The following CPED1 variants were observed in gnomAD, a reference collection of about 807,000 sequenced individuals.
CPED1 encodes cadherin-like and PC-esterase domain-containing protein 1.
A neutral mutation model predicts 128.2 loss-of-function variants in CPED1; 114 were observed. The ratio of observed to expected loss-of-function variants is 0.89; its 90% CI spans 0.76 to 1.04. The LOEUF (loss-of-function observed/expected upper bound fraction) is 1.04. Among genes scored for constraint, CPED1 ranks in the 50% least tolerant of loss-of-function variants. The pLI, the probability that CPED1 is intolerant of heterozygous loss-of-function variation, is 0.00. For synonymous variants in CPED1, 462 were observed against 426.7 expected (o/e 1.08, Z -1.02); for missense variants, 1,211 against 1,207.1 (o/e 1.00, Z -0.05).
intron 4 of CPED1, among the ~76,000 whole-genome samples, chr7:121,063,764 T>C (rs1204166550): frequency 6.6e-6 from 1 of 152,110 alleles, no homozygotes; most frequent in Non-Finnish European, 1.5e-5. Context: ...TATGATAATA[T>C]TTACAAAGCT....
At chr7:121,235,967 G>A (rs1444428113) in intron 16 of CPED1, among the ~76,000 whole-genome samples, 4 of 152,102 alleles carry the variant, frequency 2.6e-5, no homozygotes. Flanking sequence ...AGAGAACCCA[G>A]TGAGAAGAGT....
At chr7:121,194,026 A>C (rs553198902) in intron 16 of CPED1, among the ~76,000 whole-genome samples, 2,707 of 83,286 alleles carry the variant, frequency 0.033, 53 homozygotes, top group African/African-American at 0.057. Flanking sequence ...CTCTCTCTAT[A>C]TATATATATA....
intron 3 of CPED1, among the ~76,000 whole-genome samples, chr7:121,032,143 G>A (rs990934403): frequency 5.3e-5 from 8 of 152,054 alleles, no homozygotes; most frequent in African/African-American, 1.4e-4. Context: ...GGGAACCAAC[G>A]TGATAGAATT....
At chr7:121,273,238 G>A (rs1366222770) in intron 22 of CPED1, among the ~76,000 whole-genome samples, 2 of 151,918 alleles carry the variant, frequency 1.3e-5, no homozygotes, top group African/African-American at 2.4e-5. Flanking sequence ...ATCCATCTTG[G>A]TGGGCCGAGT....
At chr7:121,098,998 T>G (rs1472664984) in intron 6 of CPED1, among the ~76,000 whole-genome samples, 2 of 151,116 alleles carry the variant, frequency 1.3e-5, no homozygotes, top group African/African-American at 4.8e-5. Context: ...TTACTTTTCC[T>G]TAGTAGCCTG....
chr7:120,999,049 A>G (rs1415749751), intron 2 of CPED1, among the ~76,000 whole-genome samples: 1 of 152,204 alleles, frequency 6.6e-6, no homozygotes, highest in East Asian at 1.9e-4. Context: ...CCTCTGATAC[A>G]TAGTGAGCAT....
chr7:121,239,257 TC>T (rs1798330511), intron 17 of CPED1, among the ~76,000 whole-genome samples: 1 of 151,846 alleles, frequency 6.6e-6, no homozygotes, highest in Admixed American at 6.6e-5. Flanking sequence ...CAAAACTGGA[TC>T]TTTTTCTTTT....
At chr7:121,070,106 A>G (rs1472167775) in intron 5 of CPED1, among the ~76,000 whole-genome samples, 1 of 151,540 alleles carries the variant, frequency 6.6e-6, no homozygotes, top group East Asian at 1.9e-4. Context: ...TGTTGTATCA[A>G]AAACAAGACA....
chr7:121,236,106 GGAA>G (rs1798248472), intron 16 of CPED1, among the ~76,000 whole-genome samples: 3 of 152,118 alleles, frequency 2.0e-5, no homozygotes, highest in African/African-American at 7.2e-5. Flanking sequence ...ATGGGGCAGA[GGAA>G]GAAGGAGAGA....
rs1584661738 is a variant in CPED1 at position 121,295,484 on chromosome 7, G to A, written c.2913G>A (p.Met971Ile). 6.2e-7 allele frequency: 1 copy of A among 1,613,602 alleles called. No individual in the cohort carries two copies. The highest frequency in any genetic ancestry group is 8.5e-7 in the Non-Finnish European group (1 of 1,179,716). The change falls in exon 23 of 23, where the codon ATG (methionine) becomes ATA (isoleucine). Residue 971 changes from methionine (M) to isoleucine (I), a missense_variant. Coordinates refer to ENST00000310396, the MANE Select transcript of CPED1 (RefSeq NM_024913.5). ...CCAAAGAATATAACTTTATTAAAAT[G>A]AAAAGATCAAGAAATCATATCATGG... ...KLSKEYNFIK[M>I]KRSRNHIMGR...
chr7:120,994,932 C>T (rs762214969), intron 2 of CPED1, among the ~76,000 whole-genome samples: 25 of 152,096 alleles, frequency 1.6e-4, no homozygotes, highest in Non-Finnish European at 2.8e-4. Flanking sequence ...CTCTTCTTCG[C>T]CAAATCTTAC....
chr7:121,200,035 G>A (rs918746787), intron 16 of CPED1, among the ~76,000 whole-genome samples: 7 of 152,028 alleles, frequency 4.6e-5, no homozygotes, highest in Non-Finnish European at 8.8e-5. Context: ...CAAGTGCTCA[G>A]TAGGTTACAT....
intron 16 of CPED1, among the ~76,000 whole-genome samples, chr7:121,193,080 G>C (rs1019937334): frequency 4.6e-5 from 7 of 152,126 alleles, no homozygotes; most frequent in African/African-American, 1.7e-4. Context: ...CTGTTCTTCT[G>C]ATCTGTTTCA....
At chr7:121,181,422 A>G (rs1325398002) in intron 16 of CPED1, among the ~76,000 whole-genome samples, 1 of 152,118 alleles carries the variant, frequency 6.6e-6, no homozygotes, top group Admixed American at 6.6e-5. Context: ...AAATTAAATC[A>G]TATTAGAATC....
At chr7:121,260,371 T>C (rs1791987694) in intron 18 of CPED1, among the ~76,000 whole-genome samples, 1 of 151,748 alleles carries the variant, frequency 6.6e-6, no homozygotes, top group Non-Finnish European at 1.5e-5. Context: ...TTGGAAAACA[T>C]TTATTGTAAC....
intron 16 of CPED1, among the ~76,000 whole-genome samples, chr7:121,215,554 A>T (rs937710882): frequency 6.6e-6 from 1 of 152,126 alleles, no homozygotes; most frequent in African/African-American, 2.4e-5. Context: ...ATATATTTTT[A>T]ACAAAGATAA....
chr7:121,049,834 T>C (rs1217312201), intron 4 of CPED1, among the ~76,000 whole-genome samples: 1 of 152,194 alleles, frequency 6.6e-6, no homozygotes, highest in Non-Finnish European at 1.5e-5. Context: ...CTTCTAGTAA[T>C]ATTTGGCGAT....
intron 5 of CPED1, among the ~76,000 whole-genome samples, chr7:121,090,561 T>C (rs1794548373): frequency 6.6e-6 from 1 of 152,240 alleles, no homozygotes; most frequent in African/African-American, 2.4e-5. Flanking sequence ...TAGAATTCTG[T>C]ACTAATATAC....
chr7:121,113,815 A>G (rs994550566), intron 7 of CPED1, among the ~76,000 whole-genome samples: 1 of 152,050 alleles, frequency 6.6e-6, no homozygotes, highest in Admixed American at 6.6e-5. Context: ...ATTCTCAGAT[A>G]TAGTCTTATT....
Sources: allele counts gnomAD v4.1 joint callset (sites outside exome capture counted in the v4.1 genomes callset), GRCh38; gene constraint gnomAD v4.1.1; transcripts MANE v1.5; gene names NCBI Gene and HGNC (gene_info 2026-07-23, HGNC 2026-07-21).